PPP2R2D: variants seen among roughly 807,000 people sequenced by gnomAD.
PPP2R2D encodes the protein serine/threonine-protein phosphatase 2A 55 kDa regulatory subunit B delta isoform.
PPP2R2D carries 9 observed loss-of-function variants against 31.1 expected under a neutral mutation model. The ratio of observed to expected loss-of-function variants is 0.29; its 90% CI spans 0.17 to 0.51. The LOEUF (loss-of-function observed/expected upper bound fraction) is 0.51. PPP2R2D is among the 20% of genes least tolerant of loss of function. The pLI, the probability that PPP2R2D is intolerant of heterozygous loss-of-function variation, is 0.98. For missense variants in PPP2R2D, 391 were observed against 465.6 expected (o/e 0.84, Z 1.48); for synonymous variants, 179 against 172.6 (o/e 1.04, Z -0.29).
At chr10:131,965,346 G>C in the PPP2R2D span, among the ~76,000 whole-genome samples, 14 of 152,336 alleles carry the variant, frequency 9.2e-5, no homozygotes, top group East Asian at 9.7e-4. Flanking sequence ...GGCCCAGAAA[G>C]TGGTGCTGCA....
chr10:131,936,144 C>A (rs1051841546), intron 3 of PPP2R2D, among the ~76,000 whole-genome samples: 5 of 151,866 alleles, frequency 3.3e-5, no homozygotes, highest in Non-Finnish European at 7.4e-5. Flanking sequence ...ACTTTTAAAG[C>A]AGGAGGAGTT....
At chr10:131,971,096 T>C in the PPP2R2D span, 19 of 869,482 alleles carry the variant, frequency 2.2e-5, no homozygotes. Context: ...TGTCAGTGCC[T>C]CGGACCGTGG....
chr10:131,960,564 AATC>A (rs2036909258), downstream of PPP2R2D, among the ~76,000 whole-genome samples: 1 of 152,158 alleles, frequency 6.6e-6, no homozygotes, highest in African/African-American at 2.4e-5. Flanking sequence ...TGTGGAGCCA[AATC>A]ATCACCATCA....
chr10:131,907,491 A>G (rs1274577813), intron 2 of PPP2R2D, among the ~76,000 whole-genome samples: 3 of 152,160 alleles, frequency 2.0e-5, no homozygotes, highest in Non-Finnish European at 4.4e-5. Context: ...CTGTAATCCC[A>G]GCACTTTGGG....
rs1033799241 is a variant in PPP2R2D, at chr10:131,921,203, G to C, written c.101-13255G>C. ...TTTGACTGACTCTGAAATACTTAAA[G>C]ATAGTTGTATTTGTTGTTGCATGTC... On this transcript the variant is annotated intron_variant, in intron 2 of 8. Transcript: ENST00000455566. Among the ~76,000 whole-genome samples the C allele has an allele frequency of 2.0e-5, 3 of 152,196 alleles. No homozygotes were observed. The East Asian group carries it at 5.8e-4, about 29-fold the overall frequency.
intron 2 of PPP2R2D, 35 bp downstream of exon 2, chr10:131,901,365 C>T (rs1486829152): frequency 3.7e-5 from 13 of 352,204 alleles, no homozygotes; most frequent in African/African-American, 2.4e-4. Flanking sequence ...CCGGGACCCT[C>T]GCGGACAGCT....
chr10:131,909,437 A>G (rs1027498361), intron 2 of PPP2R2D, among the ~76,000 whole-genome samples: 1 of 152,152 alleles, frequency 6.6e-6, no homozygotes, highest in Admixed American at 6.5e-5. Context: ...AGATTGGGAA[A>G]ATGGGCTTAC....
At chr10:131,948,891 G>A (rs1445241407) in intron 8 of PPP2R2D, among the ~76,000 whole-genome samples, 1 of 152,214 alleles carries the variant, frequency 6.6e-6, no homozygotes, top group Non-Finnish European at 1.5e-5. Context: ...GGTCCAAAGG[G>A]CAGTTTGTCT....
chr10:131,919,535 C>T (rs1197663886), intron 2 of PPP2R2D, among the ~76,000 whole-genome samples: 2 of 114,486 alleles, frequency 1.7e-5, no homozygotes, highest in Non-Finnish European at 3.5e-5. Flanking sequence ...TTTGTAGGGA[C>T]CTCAGGCGGG....
chr10:131,923,011 G>A (rs1313535554), intron 2 of PPP2R2D, among the ~76,000 whole-genome samples: 1 of 152,172 alleles, frequency 6.6e-6, no homozygotes, highest in Non-Finnish European at 1.5e-5. Context: ...CAGCTTTTGA[G>A]CTGTAATTCA....
chr10:131,965,806 T>G, the PPP2R2D span, among the ~76,000 whole-genome samples: 3 of 152,302 alleles, frequency 2.0e-5, no homozygotes, highest in East Asian at 5.8e-4. Context: ...CAAATGTTCT[T>G]TCCTTTCTGC....
chr10:131,953,421 G>A lies in PPP2R2D; in HGVS notation c.1083-2263G>A, dbSNP rs1283939757. On this transcript the variant is annotated intron_variant, in intron 8 of 8. Transcript: ENST00000455566. ...GTTCACTGTCTTAGCAGTGACTTGCGGGGGGTCCCTGTCTTAGCAGTGACT... is the reference window on the plus strand; with the variant it reads ...GTTCACTGTCTTAGCAGTGACTTGCAGGGGGTCCCTGTCTTAGCAGTGACT... Among the ~76,000 whole-genome samples, 22 of 97,608 alleles carry A rather than the reference G, an allele frequency of 2.3e-4. 1 individual carries two copies. Among genetic ancestry groups the A allele is most frequent in the Non-Finnish European group, 4.0e-4 (20 of 50,282 alleles). 64.0% of individuals were successfully genotyped at this position (97,608 alleles called of 152,430 possible).
intron 5 of PPP2R2D, 87 bp downstream of exon 5, chr10:131,940,781 G>GAGT (rs2036427727): frequency 6.0e-6 from 4 of 669,738 alleles, no homozygotes; most frequent in Non-Finnish European, 1.1e-5. Flanking sequence ...CTGCGCGGTG[G>GAGT]AGTACTGTGA....
chr10:131,928,350 A>G (rs1239410851), intron 2 of PPP2R2D, among the ~76,000 whole-genome samples: 3 of 152,220 alleles, frequency 2.0e-5, no homozygotes, highest in African/African-American at 7.2e-5. Flanking sequence ...TGTGCCAGGA[A>G]GTGTGTTTAA....
At chr10:131,935,737 CAGAAGT>C (rs1281843124) in intron 3 of PPP2R2D, among the ~76,000 whole-genome samples, 1 of 151,970 alleles carries the variant, frequency 6.6e-6, no homozygotes, top group African/African-American at 2.4e-5. Flanking sequence ...ATTTTTATCT[CAGAAGT>C]AGAATATCAC....
At chr10:131,965,310 G>A in the PPP2R2D span, among the ~76,000 whole-genome samples, 1,056 of 152,250 alleles carry the variant, frequency 6.9e-3, 2 homozygotes, top group Middle Eastern at 0.024. Flanking sequence ...AGGAAGTGGC[G>A]GCTGCCGGTT....
intron 3 of PPP2R2D, among the ~76,000 whole-genome samples, chr10:131,937,427 C>T (rs1267534205): frequency 1.2e-4 from 18 of 152,220 alleles, no homozygotes; most frequent in Admixed American, 1.1e-3. Flanking sequence ...AAGGTGCTCG[C>T]TTCCTCCTCT....
At chr10:131,919,726 G>A (rs2035926559) in intron 2 of PPP2R2D, among the ~76,000 whole-genome samples, 1 of 128,052 alleles carries the variant, frequency 7.8e-6, no homozygotes, top group Non-Finnish European at 1.7e-5. Flanking sequence ...GAATGACACA[G>A]TGTTCGTAGG....
Position 131,907,740 on chromosome 10 carries a change from T to C in PPP2R2D, c.100+6410T>C, listed in dbSNP as rs2035619626. Among the ~76,000 whole-genome samples, 3 of 136,754 alleles carry C rather than the reference T, an allele frequency of 2.2e-5. No homozygotes were observed. In the East Asian group the frequency reaches 7.2e-4, roughly 33 times the overall value. 89.7% of individuals were successfully genotyped at this position (136,754 alleles called of 152,430 possible). On this transcript the variant is annotated intron_variant, in intron 2 of 8. Transcript: ENST00000455566. ...GCCTGGGCAGCAGAGCGAGACTCCA[T>C]ATCAAAAAAAAAAAAAAAAGATTCA...
Sources: allele counts gnomAD v4.1 joint callset (sites outside exome capture counted in the v4.1 genomes callset), GRCh38; gene constraint gnomAD v4.1.1; transcripts MANE v1.5; gene names NCBI Gene and HGNC (gene_info 2026-07-23, HGNC 2026-07-21).